Variants in ALDH2 observed in about 807,000 individuals in gnomAD.
The protein encoded by ALDH2 is aldehyde dehydrogenase, mitochondrial.
In ALDH2, 44 loss-of-function variants were observed where a neutral mutation model predicts 59.6. That is an observed-to-expected ratio of 0.74 (90% CI 0.58 to 0.95). ALDH2 has a LOEUF of 0.95. Ranked by LOEUF, ALDH2 falls within the 40% of genes least tolerant of loss-of-function variation. The pLI, the probability that ALDH2 is intolerant of heterozygous loss-of-function variation, is 0.00. For missense variants in ALDH2, 570 were observed against 696.3 expected (o/e 0.82, Z 2.04); for synonymous variants, 291 against 284.0 (o/e 1.02, Z -0.25).
chr12:111,783,086 G>T, intron 2 of ALDH2, 72 bp from the exon 3 acceptor site: 1 of 1,547,170 alleles, frequency 6.5e-7, no homozygotes. Flanking sequence ...GGATGTGTTT[G>T]TATTCGGACC....
rs1555263810 is a variant in ALDH2 at position 111,802,892 on chromosome 12, A to AAAAAAG, written c.1407-963_1407-962insAGAAAA. Among the ~76,000 whole-genome samples the AAAAAAG allele has an allele frequency of 1.3e-4, 19 of 147,308 alleles. No individual in the cohort carries two copies. The East Asian group carries it at 2.8e-3, about 22-fold the overall frequency. On this transcript the variant is annotated intron_variant, in intron 11 of 12. Coordinates refer to ENST00000261733, the MANE Select transcript of ALDH2 (RefSeq NM_000690.4). ...GAGACTCTGTCTCAAAAAAAAAAAA[A>AAAAAAG]AAAAGAAAATTAAAAATAGGCCAAG... is the stretch of plus-strand genomic sequence containing the variant.
intron 1 of ALDH2, among the ~76,000 whole-genome samples, chr12:111,774,291 T>C (rs1172979787): frequency 6.6e-6 from 1 of 152,134 alleles, no homozygotes; most frequent in Non-Finnish European, 1.5e-5. Flanking sequence ...GGTTCTGGAT[T>C]ATGTGTGGGG....
intron 9 of ALDH2, among the ~76,000 whole-genome samples, chr12:111,796,251 G>A (rs1360353806): frequency 6.6e-6 from 1 of 152,100 alleles, no homozygotes; most frequent in African/African-American, 2.4e-5. Flanking sequence ...GAACCCGGGA[G>A]GCGCAGGTTG....
intron 12 of ALDH2, among the ~76,000 whole-genome samples, chr12:111,804,283 T>C (rs2068476210): frequency 6.6e-6 from 1 of 152,154 alleles, no homozygotes; most frequent in Non-Finnish European, 1.5e-5. Context: ...CAGCCTCTGC[T>C]CTGTCCCATG....
At chr12:111,798,742 C>T (rs937545634) in intron 10 of ALDH2, among the ~76,000 whole-genome samples, 4 of 151,962 alleles carry the variant, frequency 2.6e-5, no homozygotes, top group Non-Finnish European at 4.4e-5. Flanking sequence ...TGCAGTTGCT[C>T]ACGCCTGTAA....
intron 9 of ALDH2, among the ~76,000 whole-genome samples, chr12:111,797,779 C>A (rs1164231871): frequency 6.6e-6 from 1 of 152,132 alleles, no homozygotes; most frequent in Admixed American, 6.5e-5. Context: ...AGTCTGTCAT[C>A]CTTCTAACAG....
chr12:111,783,571 G>A (rs963701309), intron 3 of ALDH2, among the ~76,000 whole-genome samples: 1 of 152,080 alleles, frequency 6.6e-6, no homozygotes, highest in Non-Finnish European at 1.5e-5. Context: ...GTGCAGTGGC[G>A]ACATCTCGGC....
Position 111,801,658 on chromosome 12 carries a change from C to G in ALDH2, c.1406+1595C>G, listed in dbSNP as rs549492012. On this transcript the variant is annotated intron_variant, in intron 11 of 12. Coordinates refer to ENST00000261733, the MANE Select transcript of ALDH2 (RefSeq NM_000690.4). ...AGATTGCAGTGAGTGGAGATCATGC[C>G]ACTGCGCTCCAGCCTGAGCGATAGA... Among the ~76,000 whole-genome samples the G allele has an allele frequency of 6.9e-4, 103 of 149,936 alleles. 1 individual carries two copies. The highest frequency in any genetic ancestry group is 2.9e-3 in the South Asian group (14 of 4,746).
Position 111,809,855 on chromosome 12 carries a change from C to T in ALDH2, c.*280C>T. The T allele has an allele frequency of 6.1e-6, 3 of 490,936 alleles. No homozygotes were observed. Among genetic ancestry groups the T allele is most frequent in the Non-Finnish European group, 3.6e-6 (1 of 274,566 alleles). The allele number at this position is 490,936 out of a possible 1,614,324, so 30.4% of individuals were successfully genotyped here. ...AATGTGTTATCCTCTCTCTGAAACG[C>T]TTCCTATAACTCGAGTTTATAGGGG... On this transcript the variant is annotated 3_prime_UTR_variant, in exon 13 of 13. Coordinates refer to ENST00000261733, the MANE Select transcript of ALDH2 (RefSeq NM_000690.4).
At chr12:111,768,739 G>A (rs1218429606) in intron 1 of ALDH2, among the ~76,000 whole-genome samples, 1 of 152,160 alleles carries the variant, frequency 6.6e-6, no homozygotes. Flanking sequence ...AGCTATATGG[G>A]AGGCTGAGGT....
chr12:111,808,018 A>C (rs2068510813), intron 12 of ALDH2, among the ~76,000 whole-genome samples: 2 of 151,808 alleles, frequency 1.3e-5, no homozygotes, highest in Admixed American at 6.6e-5. Flanking sequence ...CTGGGATTAC[A>C]GGCGCCTGCC....
chr12:111,788,315 A>G (rs188385150), intron 4 of ALDH2, among the ~76,000 whole-genome samples: 138 of 152,286 alleles, frequency 9.1e-4, no homozygotes, highest in Non-Finnish European at 1.0e-3. Context: ...GTCCAGAGAC[A>G]TTTTTGGCAG....
At chr12:111,793,737 C>T (rs2068380497) in intron 9 of ALDH2, among the ~76,000 whole-genome samples, 1 of 151,590 alleles carries the variant, frequency 6.6e-6, no homozygotes. Flanking sequence ...AGGTGCGCAC[C>T]ACCACGCCTG....
intron 1 of ALDH2, among the ~76,000 whole-genome samples, chr12:111,772,129 T>G (rs972661948): frequency 2.6e-5 from 4 of 151,802 alleles, no homozygotes; most frequent in Admixed American, 2.0e-4. Flanking sequence ...CAAAAAAAAC[T>G]TAATACCCCA....
intron 9 of ALDH2, among the ~76,000 whole-genome samples, chr12:111,796,886 T>C (rs1457135401): frequency 6.6e-6 from 1 of 151,606 alleles, no homozygotes; most frequent in Non-Finnish European, 1.5e-5. Flanking sequence ...GACTGGGCAA[T>C]AGAGTGAGAC....
At chr12:111,792,215 G>A (rs4646776) in intron 8 of ALDH2, 52 bp downstream of exon 8, 5 of 1,367,378 alleles carry the variant, frequency 3.7e-6, no homozygotes, top group Middle Eastern at 1.8e-4. Context: ...CTGGCCACCT[G>A]TGTTGTGGCT....
Position 111,783,421 on chromosome 12 carries a change from G to T in ALDH2, c.360+123G>T, listed in dbSNP as rs2068288229. ...GGGAACACACATCTGACACGGGACT[G>T]ATGGGAATGGCATAGGATGGACACC... On this transcript the variant is annotated intron_variant, in intron 3 of 12. Coordinates refer to ENST00000261733, the MANE Select transcript of ALDH2 (RefSeq NM_000690.4). 4.0e-6 allele frequency: 5 copies of T among 1,265,248 alleles called. No homozygotes were observed. In the Admixed American group the frequency reaches 1.3e-4, roughly 33 times the overall value. 78.4% of individuals were successfully genotyped at this position (1,265,248 alleles called of 1,614,324 possible).
chr12:111,813,359 T>A lies in ALDH2; in HGVS notation c.*3784T>A, dbSNP rs1366107583. 1 of 152,186 alleles carries A rather than the reference T, an allele frequency of 6.6e-6. No individual in the cohort carries two copies. The highest frequency in any genetic ancestry group is 1.5e-5 in the Non-Finnish European group (1 of 68,034). The allele number at this position is 152,186 out of a possible 1,614,324, so 9.4% of individuals were successfully genotyped here. A position where few individuals can be genotyped will look rare whatever the true frequency, so the allele number is the denominator to read the frequency against. Reference sequence around the variant, plus strand: ...ACTACGACGCTATTTCTCCAAGAATTAACAGGACAGCCCCTCCCACCGGTG... The same window carrying A: ...ACTACGACGCTATTTCTCCAAGAATAAACAGGACAGCCCCTCCCACCGGTG... On this transcript the variant is annotated 3_prime_UTR_variant, in exon 13 of 13. Transcript: ENST00000261733.
rs1203722954 is a variant in ALDH2 at position 111,791,363 on chromosome 12, G to A, written c.739G>A (p.Ala247Thr). 1 of 1,613,924 alleles carries A rather than the reference G, an allele frequency of 6.2e-7. No individual in the cohort carries two copies. The highest frequency in any genetic ancestry group is 1.7e-5 in the Admixed American group (1 of 60,022). ...IVPGFGPTAG[A>T]AIASHEDVDK... ...GCCTGGATTTGGCCCCACGGCTGGG[G>A]CCGCCATTGCCTCCCATGAGGATGT... The change falls in exon 7 of 13, where the codon GCC (alanine) becomes ACC (threonine). Residue 247 changes from alanine to threonine, a missense_variant. By Grantham distance (58) the Ala-to-Thr change is moderately conservative (BLOSUM62 0). Transcript: ENST00000261733.
Sources: allele counts gnomAD v4.1 joint callset (sites outside exome capture counted in the v4.1 genomes callset), GRCh38; gene constraint gnomAD v4.1.1; transcripts MANE v1.5; gene names NCBI Gene and HGNC (gene_info 2026-07-23, HGNC 2026-07-21).